The following KLHL1 variants were observed in gnomAD, a reference collection of about 807,000 sequenced individuals.
KLHL1 encodes kelch like family member 1.
Under a neutral mutation model 77.7 loss-of-function variants are expected in KLHL1, and 47 were observed. The observed-to-expected ratio is 0.60, with a 90% CI of 0.48 to 0.77. The LOEUF is 0.77. Among genes scored for constraint, KLHL1 ranks in the 30% least tolerant of loss-of-function variants. KLHL1 has a pLI of 0.00. For synonymous variants in KLHL1, 360 were observed against 325.2 expected, an observed-to-expected ratio of 1.11 and a Z score of -1.15; for missense variants, 925 against 910.8, an observed-to-expected ratio of 1.02 and a Z score of -0.20.
At chr13:69,833,770 T>TATATATAC (rs1566304585) in intron 6 of KLHL1, among the ~76,000 whole-genome samples, 9 of 140,740 alleles carry the variant, frequency 6.4e-5, no homozygotes, top group African/African-American at 2.6e-4. Context: ...TATATATACA[T>TATATATAC]ACATACATAC....
At chr13:69,914,168 C>T (rs1032021642) in intron 4 of KLHL1, among the ~76,000 whole-genome samples, 21 of 152,098 alleles carry the variant, frequency 1.4e-4, no homozygotes, top group African/African-American at 4.6e-4. Flanking sequence ...ACCTTGTGAT[C>T]CTGTGAGTCA....
chr13:69,852,314 A>C (rs1413368285), intron 5 of KLHL1, among the ~76,000 whole-genome samples: 1 of 151,898 alleles, frequency 6.6e-6, no homozygotes, highest in African/African-American at 2.4e-5. Context: ...TTCTTCCCTT[A>C]CTTCTCCCAC....
chr13:69,790,936 G>A (rs1876841510), intron 7 of KLHL1, among the ~76,000 whole-genome samples: 2 of 151,870 alleles, frequency 1.3e-5, no homozygotes, highest in Non-Finnish European at 2.9e-5. Context: ...GAATATAAGG[G>A]ACCTTTCTCA....
chr13:69,743,610 A>G (rs1223592182), intron 7 of KLHL1, among the ~76,000 whole-genome samples: 4 of 152,008 alleles, frequency 2.6e-5, no homozygotes, highest in Middle Eastern at 3.2e-3. Context: ...CAAGGCAAAA[A>G]TCTCGTCTCT....
chr13:69,723,693 T>C (rs866806097), intron 8 of KLHL1, among the ~76,000 whole-genome samples: 1 of 152,142 alleles, frequency 6.6e-6, no homozygotes, highest in African/African-American at 2.4e-5. Flanking sequence ...TTAAGTCTGA[T>C]ATGAAACATT....
chr13:69,978,088 G>C (rs1275945858), intron 1 of KLHL1, among the ~76,000 whole-genome samples: 1 of 151,974 alleles, frequency 6.6e-6, no homozygotes, highest in East Asian at 1.9e-4. Context: ...CCAGAATATG[G>C]CCACTTCTCA....
Position 69,740,514 on chromosome 13 carries a change from T to A in KLHL1, c.1682A>T (p.His561Leu). ...TGTATTCAGATAGCTCCAGCCATCA[T>A]GGCCTCCCACAGCATAAATAGGGCC... ...LEGPIYAVGG[H>L]DGWSYLNTVE... The change falls in exon 8 of 11, where the codon CAT becomes CTT. Residue 561 changes from histidine to leucine, a missense_variant. Physicochemically the swap from His to Leu is moderately conservative, Grantham distance 99. Coordinates refer to ENST00000377844, the MANE Select transcript of KLHL1 (RefSeq NM_020866.3). The A allele has an allele frequency of 6.2e-7, 1 of 1,612,912 alleles. No homozygotes were observed. Among genetic ancestry groups the A allele is most frequent in the East Asian group, 2.2e-5 (1 of 44,852 alleles).
intron 6 of KLHL1, among the ~76,000 whole-genome samples, chr13:69,821,994 T>C (rs552200817): frequency 6.6e-6 from 1 of 151,934 alleles, no homozygotes; most frequent in Non-Finnish European, 1.5e-5. Flanking sequence ...AGTCAGGAGT[T>C]TGAGACCAGC....
At chr13:69,879,415 A>T (rs1880897271) in intron 5 of KLHL1, among the ~76,000 whole-genome samples, 1 of 152,006 alleles carries the variant, frequency 6.6e-6, no homozygotes, top group Non-Finnish European at 1.5e-5. Flanking sequence ...AATTCCACAT[A>T]TTCTATCTTC....
intron 7 of KLHL1, among the ~76,000 whole-genome samples, chr13:69,747,283 T>C (rs1874255679): frequency 6.6e-6 from 1 of 152,082 alleles, no homozygotes; most frequent in Admixed American, 6.6e-5. Flanking sequence ...ATGTAAACAT[T>C]AGATAATGTA....
chr13:69,913,623 G>A (rs963455236), intron 4 of KLHL1, among the ~76,000 whole-genome samples: 10 of 152,156 alleles, frequency 6.6e-5, no homozygotes, highest in Admixed American at 5.2e-4. Context: ...GGGAAAAGGT[G>A]CAAAAGTTCA....
At chr13:70,029,201 T>C (rs958650705) in intron 1 of KLHL1, among the ~76,000 whole-genome samples, 1 of 152,216 alleles carries the variant, frequency 6.6e-6, no homozygotes, top group African/African-American at 2.4e-5. Context: ...GATCTTGAAC[T>C]TGCGGCCTGT....
chr13:70,103,363 G>T (rs898627611), intron 1 of KLHL1, among the ~76,000 whole-genome samples: 2 of 152,166 alleles, frequency 1.3e-5, no homozygotes, highest in African/African-American at 4.8e-5. Context: ...GGTACAGATT[G>T]TCATCAGTTG....
intron 7 of KLHL1, among the ~76,000 whole-genome samples, chr13:69,775,929 G>A (rs915462508): frequency 6.6e-6 from 1 of 151,858 alleles, no homozygotes; most frequent in African/African-American, 2.4e-5. Flanking sequence ...GAGGCGGGAG[G>A]ATCACAAGGT....
At chr13:69,965,501 C>T (rs1266047056) in intron 2 of KLHL1, among the ~76,000 whole-genome samples, 1 of 152,094 alleles carries the variant, frequency 6.6e-6, no homozygotes, top group African/African-American at 2.4e-5. Context: ...TCTCCCTGTT[C>T]CCTGAGACAC....
intron 1 of KLHL1, among the ~76,000 whole-genome samples, chr13:70,009,876 A>T (rs886577745): frequency 1.3e-5 from 2 of 152,178 alleles, no homozygotes; most frequent in Non-Finnish European, 2.9e-5. Flanking sequence ...AGGTCAGAAA[A>T]AAAACCAAGT....
intron 1 of KLHL1, among the ~76,000 whole-genome samples, chr13:70,016,946 A>ACCTG (rs1168581254): frequency 6.6e-6 from 1 of 152,124 alleles, no homozygotes; most frequent in Admixed American, 6.5e-5. Flanking sequence ...CCTGGGGGCC[A>ACCTG]CCTGCCTGTG....
At chr13:70,066,220 T>C (rs564055126) in intron 1 of KLHL1, among the ~76,000 whole-genome samples, 1 of 152,226 alleles carries the variant, frequency 6.6e-6, no homozygotes, top group Non-Finnish European at 1.5e-5. Flanking sequence ...TGGTAGAAAA[T>C]TGAAGTGTGT....
intron 1 of KLHL1, among the ~76,000 whole-genome samples, chr13:70,018,057 A>G (rs1885702743): frequency 6.6e-6 from 1 of 151,984 alleles, no homozygotes; most frequent in Non-Finnish European, 1.5e-5. Context: ...AGCGCAAAAA[A>G]AAGTTGAAAA....
Sources: gnomAD v4.1 joint callset for allele counts (sites outside exome capture counted in the v4.1 genomes callset) on GRCh38, gnomAD v4.1.1 for gene constraint, MANE v1.5 for transcripts, NCBI Gene and HGNC (gene_info 2026-07-23, HGNC 2026-07-21) for gene names.